The following FHIP1A variants were observed in gnomAD, a reference collection of about 807,000 sequenced individuals.
FHIP1A encodes FHF complex subunit HOOK interacting protein 1A.
In FHIP1A, 61 loss-of-function variants were observed where a neutral mutation model predicts 88.6. The observed-to-expected ratio is 0.69, with a 90% CI of 0.56 to 0.85. The LOEUF (loss-of-function observed/expected upper bound fraction) is 0.85, where lower values mean the gene tolerates loss of function less well. FHIP1A is among the 40% of genes least tolerant of loss of function. FHIP1A has a pLI of 0.00. For synonymous variants in FHIP1A, 478 were observed against 496.0 expected (o/e 0.96, Z 0.48); for missense variants, 1,154 against 1,273.5 (o/e 0.91, Z 1.43).
At chr4:151,577,216 T>G (rs1013512813) in intron 4 of FHIP1A, among the ~76,000 whole-genome samples, 19 of 152,202 alleles carry the variant, frequency 1.2e-4, no homozygotes, top group African/African-American at 4.3e-4. Flanking sequence ...ATATTTAGAT[T>G]GTTGAAATTT....
At position 151,421,393 on chromosome 4, in the gene FHIP1A, T is replaced by C. The variant is rs538613164; in HGVS notation, c.-356+11928T>C. Among the ~76,000 whole-genome samples the C allele has an allele frequency of 3.9e-5, 6 of 152,354 alleles. No individual in the cohort carries two copies. In the East Asian group the frequency reaches 1.2e-3, roughly 29 times the overall value. ...TAAGCTCAAAGTATTGCAAATCCTC[T>C]GTAGTTTTCATCCCCCTTACTCTGC... On this transcript the variant is annotated intron_variant, in intron 1 of 13. Coordinates refer to ENST00000435205, the MANE Select transcript of FHIP1A (RefSeq NM_001109977.3).
At chr4:151,457,383 T>G (rs1323079941) in intron 2 of FHIP1A, among the ~76,000 whole-genome samples, 1 of 152,216 alleles carries the variant, frequency 6.6e-6, no homozygotes, top group Non-Finnish European at 1.5e-5. Context: ...GCCTTCTGCA[T>G]GTAGGGAAGA....
chr4:151,433,472 G>GA (rs900729180), intron 1 of FHIP1A, among the ~76,000 whole-genome samples: 6 of 151,618 alleles, frequency 4.0e-5, no homozygotes, highest in African/African-American at 1.2e-4. Flanking sequence ...TGGGATGGCA[G>GA]AAAAAAAATA....
intron 3 of FHIP1A, among the ~76,000 whole-genome samples, chr4:151,517,513 G>A (rs1267703613): frequency 6.6e-6 from 1 of 152,006 alleles, no homozygotes; most frequent in Non-Finnish European, 1.5e-5. Flanking sequence ...GGCGACTTTG[G>A]TTGTCTTCCC....
At chr4:151,622,199 A>T (rs2126865769) in intron 7 of FHIP1A, among the ~76,000 whole-genome samples, 1 of 152,314 alleles carries the variant, frequency 6.6e-6, no homozygotes, top group Non-Finnish European at 1.5e-5. Flanking sequence ...GGAGTCTGAG[A>T]GGTTTAATAA....
chr4:151,584,776 T>C (rs541536811), intron 5 of FHIP1A, among the ~76,000 whole-genome samples: 5 of 152,308 alleles, frequency 3.3e-5, no homozygotes, highest in African/African-American at 4.8e-5. Flanking sequence ...TGTGCTTCTC[T>C]TAGTTCCTGG....
chr4:151,650,445 AAGG>A lies in FHIP1A; in HGVS notation c.2407_2409del (p.Glu803del). 6.4e-7 allele frequency: 1 copy of A among 1,551,680 alleles called. No individual in the cohort carries two copies. On this transcript the variant is annotated inframe_deletion, in exon 11 of 14. Coordinates refer to ENST00000435205, the MANE Select transcript of FHIP1A (RefSeq NM_001109977.3). ...AGGAGAAAAGGAGAAGGAGGGGAAG[AAGG>A]AGCTAGAAGATGAGGAGGATGACTT...
At chr4:151,544,322 C>T (rs1279772478) in intron 3 of FHIP1A, among the ~76,000 whole-genome samples, 1 of 152,128 alleles carries the variant, frequency 6.6e-6, no homozygotes, top group African/African-American at 2.4e-5. Context: ...TTACCTTAAC[C>T]CATTGACCCC....
At chr4:151,548,357 A>G (rs903590113) in intron 3 of FHIP1A, among the ~76,000 whole-genome samples, 4 of 152,204 alleles carry the variant, frequency 2.6e-5, no homozygotes, top group Admixed American at 1.3e-4. Flanking sequence ...TCCATTTTGA[A>G]TAGGGGCTGG....
intron 3 of FHIP1A, among the ~76,000 whole-genome samples, chr4:151,552,298 C>A (rs1480337311): frequency 6.6e-6 from 1 of 152,154 alleles, no homozygotes; most frequent in African/African-American, 2.4e-5. Context: ...ACTAGAAATA[C>A]CATTTGACCC....
chr4:151,554,774 T>A (rs937776295), intron 3 of FHIP1A, among the ~76,000 whole-genome samples: 8 of 152,228 alleles, frequency 5.3e-5, no homozygotes, highest in Non-Finnish European at 1.2e-4. Context: ...GTTAAAAGCA[T>A]GCAGTTTCTT....
At chr4:151,627,972 G>A (rs550563155) in intron 7 of FHIP1A, among the ~76,000 whole-genome samples, 2 of 152,240 alleles carry the variant, frequency 1.3e-5, no homozygotes, top group South Asian at 4.2e-4. Context: ...TATGGGACTA[G>A]AAAACATCAG....
chr4:151,418,183 A>C (rs993662528), intron 1 of FHIP1A, among the ~76,000 whole-genome samples: 1 of 151,060 alleles, frequency 6.6e-6, no homozygotes, highest in Non-Finnish European at 1.5e-5. Context: ...AAAAAAAAAA[A>C]AAAAAAAAAA....
intron 3 of FHIP1A, among the ~76,000 whole-genome samples, chr4:151,504,325 A>G (rs1455987634): frequency 2.0e-5 from 3 of 152,174 alleles, no homozygotes; most frequent in African/African-American, 7.2e-5. Context: ...CCAGCTTTGG[A>G]AAAATTCTAG....
At chr4:151,512,512 G>A (rs1731077801) in intron 3 of FHIP1A, among the ~76,000 whole-genome samples, 2 of 152,276 alleles carry the variant, frequency 1.3e-5, no homozygotes, top group Middle Eastern at 3.4e-3. Flanking sequence ...CCGAGCTACA[G>A]GAGGAAATTC....
chr4:151,528,436 T>C (rs1451639362), intron 3 of FHIP1A, among the ~76,000 whole-genome samples: 2 of 152,234 alleles, frequency 1.3e-5, no homozygotes, highest in African/African-American at 4.8e-5. Flanking sequence ...CTCATTTATT[T>C]AAACCAGAAA....
chr4:151,460,540 A>AT (rs1255527169), intron 2 of FHIP1A, among the ~76,000 whole-genome samples: 2 of 152,190 alleles, frequency 1.3e-5, no homozygotes, highest in African/African-American at 4.8e-5. Flanking sequence ...CCAAGCAAAG[A>AT]TTAAGTGTAT....
chr4:151,493,511 G>A (rs7678977), intron 3 of FHIP1A, among the ~76,000 whole-genome samples: 1,866 of 151,722 alleles, frequency 0.012, 26 homozygotes, highest in African/African-American at 0.04. Flanking sequence ...AGGAAAGGAC[G>A]TACCAAAAAA....
chr4:151,650,437 A>G lies in FHIP1A; in HGVS notation c.2396A>G (p.Glu799Gly), dbSNP rs773033044. Residue 799 changes from glutamate to glycine, a missense_variant, in exon 11 of 14, where the codon GAG becomes GGG. Physicochemically the swap from Glu to Gly is moderately conservative, Grantham distance 98. Coordinates refer to ENST00000435205, the MANE Select transcript of FHIP1A (RefSeq NM_001109977.3). ...GAGAGTAAAGGAGAAAAGGAGAAGGAGGGGAAGAAGGAGCTAGAAGATGAG... is the reference window on the plus strand; with the variant it reads ...GAGAGTAAAGGAGAAAAGGAGAAGGGGGGGAAGAAGGAGCTAGAAGATGAG... Reference protein sequence around the residue: ...KEESKGEKEKEGKKELEDEED... With the variant: ...KEESKGEKEKGGKKELEDEED... The G allele has an allele frequency of 2.6e-6, 4 of 1,551,606 alleles. No individual in the cohort carries two copies. In the South Asian group the frequency reaches 4.8e-5, roughly 18 times the overall value.
Sources: gnomAD v4.1 joint callset for allele counts (sites outside exome capture counted in the v4.1 genomes callset) on GRCh38, gnomAD v4.1.1 for gene constraint, MANE v1.5 for transcripts, NCBI Gene and HGNC (gene_info 2026-07-23, HGNC 2026-07-21) for gene names.